FSIP1: variants seen among roughly 807,000 people sequenced by gnomAD.
The protein encoded by FSIP1 is fibrous sheath-interacting protein 1.
In FSIP1, 65 loss-of-function variants were observed where a neutral mutation model predicts 60.9. The observed-to-expected ratio is 1.07, with a 90% CI of 0.87 to 1.31. FSIP1 has a LOEUF of 1.31. Among genes scored for constraint, FSIP1 ranks in the 40% most tolerant of loss-of-function variants. FSIP1 has a pLI of 0.00. For missense variants in FSIP1, 675 were observed against 665.5 expected, an observed-to-expected ratio of 1.01 and a Z score of -0.16; for synonymous variants, 209 against 221.2, an observed-to-expected ratio of 0.94 and a Z score of 0.49.
chr15:39,665,940 T>A (rs1893478533), intron 10 of FSIP1, among the ~76,000 whole-genome samples: 1 of 152,178 alleles, frequency 6.6e-6, no homozygotes, highest in South Asian at 2.1e-4. Flanking sequence ...TTTTCTTGGA[T>A]TCTTATATTT....
intron 5 of FSIP1, among the ~76,000 whole-genome samples, chr15:39,759,612 C>T (rs545786013): frequency 6.6e-6 from 1 of 152,232 alleles, no homozygotes; most frequent in South Asian, 2.1e-4. Context: ...CAAATTACCA[C>T]AAACTTGGTG....
intron 11 of FSIP1, chr15:39,602,356 G>C (rs1244477507): frequency 6.6e-6 from 3 of 456,306 alleles, no homozygotes; most frequent in South Asian, 4.6e-5. Flanking sequence ...AGGGCCTCCA[G>C]GTGGCGTGTG....
At chr15:39,607,068 C>G (rs1035445638) in intron 11 of FSIP1, among the ~76,000 whole-genome samples, 4 of 152,226 alleles carry the variant, frequency 2.6e-5, no homozygotes, top group African/African-American at 9.6e-5. Flanking sequence ...GTGGAAGCAT[C>G]CTGGCCTCAC....
At chr15:39,755,825 G>A (rs1049473823) in intron 5 of FSIP1, among the ~76,000 whole-genome samples, 1 of 152,140 alleles carries the variant, frequency 6.6e-6, no homozygotes, top group Non-Finnish European at 1.5e-5. Context: ...AGAGAGAAAC[G>A]TGACAAAGAC....
intron 5 of FSIP1, among the ~76,000 whole-genome samples, chr15:39,759,529 T>C (rs1389806985): frequency 6.6e-6 from 1 of 152,190 alleles, no homozygotes; most frequent in Non-Finnish European, 1.5e-5. Context: ...CTTGTGAAAG[T>C]CCAACCCTGG....
Position 39,609,852 on chromosome 15 carries a change from C to T in FSIP1, c.1699+7883G>A, listed in dbSNP as rs186072320. Among the ~76,000 whole-genome samples the T allele has an allele frequency of 9.3e-4, 141 of 152,346 alleles. 1 individual carries two copies. The highest frequency in any genetic ancestry group is 3.2e-3 in the African/African-American group (133 of 41,594). On this transcript the variant is annotated intron_variant, in intron 11 of 11. Transcript: ENST00000350221. ...GTCTCATCAGACCACAGAGCACAGC[C>T]AGAAGTTCCACTTGACCTCAAAGAA...
chr15:39,698,636 TG>T (rs1214069236), intron 10 of FSIP1, among the ~76,000 whole-genome samples: 1 of 152,228 alleles, frequency 6.6e-6, no homozygotes, highest in East Asian at 1.9e-4. Context: ...TCTGCCCCTT[TG>T]TGCCACATAC....
intron 6 of FSIP1, among the ~76,000 whole-genome samples, chr15:39,740,768 T>A (rs1896776373): frequency 1.3e-5 from 2 of 152,238 alleles, no homozygotes; most frequent in African/African-American, 4.8e-5. Context: ...CCATTTAAAA[T>A]TTTTTTGATG....
chr15:39,628,641 T>G (rs763920844), intron 10 of FSIP1, among the ~76,000 whole-genome samples: 36 of 152,206 alleles, frequency 2.4e-4, no homozygotes, highest in Non-Finnish European at 4.9e-4. Context: ...TAAGTGTTCC[T>G]TCAGCTTGCA....
chr15:39,620,356 C>G lies in FSIP1; in HGVS notation c.1189-2111G>C, dbSNP rs184790165. Among the ~76,000 whole-genome samples the G allele has an allele frequency of 2.8e-3, 419 of 152,020 alleles. 1 individual carries two copies. The highest frequency in any genetic ancestry group is 3.5e-3 in the Non-Finnish European group (235 of 67,992). On this transcript the variant is annotated intron_variant, in intron 10 of 11. Transcript: ENST00000350221. ...AAATTATTGCCTACCATTACAGCAA[C>G]CCAATATATAATGTCTAAAACTAAT...
chr15:39,770,468 T>C lies in FSIP1; in HGVS notation c.269A>G (p.Asp90Gly). ...TATCTGATGTTGAACCAAATCCAGA[T>C]CTTCATCTGATCCCTCTTCAGCCAA... ...IKLAEEGSDE[D>G]LDLVQHQIIS... The change falls in exon 3 of 12, where the codon GAT (aspartate) becomes GGT (glycine). Residue 90 changes from aspartate to glycine, a missense_variant. Asp to Gly is a moderately conservative substitution (Grantham distance 94). Coordinates refer to ENST00000350221, the MANE Select transcript of FSIP1 (RefSeq NM_152597.5). 1 of 1,609,580 alleles carries C rather than the reference T, an allele frequency of 6.2e-7. No individual in the cohort carries two copies. The highest frequency in any genetic ancestry group is 1.3e-5 in the African/African-American group (1 of 74,834).
intron 10 of FSIP1, among the ~76,000 whole-genome samples, chr15:39,669,774 TA>T: frequency 6.6e-6 from 1 of 152,364 alleles, no homozygotes; most frequent in Non-Finnish European, 1.5e-5. Flanking sequence ...GTCTAGTTTT[TA>T]ATGTGTTACA....
rs981241141 is a variant in FSIP1, at chr15:39,627,951, G to A, written c.1189-9706C>T. Reference sequence around the variant, plus strand: ...GGCAACTCGAACCAAACCAAACAGCGTGGGCCTGGAAGCACAGGGTTAGCA... The same window carrying A: ...GGCAACTCGAACCAAACCAAACAGCATGGGCCTGGAAGCACAGGGTTAGCA... On this transcript the variant is annotated intron_variant, in intron 10 of 11. Coordinates refer to ENST00000350221, the MANE Select transcript of FSIP1 (RefSeq NM_152597.5). 5.9e-5 allele frequency among the ~76,000 whole-genome samples: 9 copies of A among 152,208 alleles called. No homozygotes were observed. The East Asian group carries it at 7.7e-4, about 13-fold the overall frequency.
chr15:39,704,053 T>C (rs1358731527), intron 10 of FSIP1, among the ~76,000 whole-genome samples: 2 of 152,230 alleles, frequency 1.3e-5, no homozygotes, highest in Non-Finnish European at 2.9e-5. Flanking sequence ...AAAATGGGCC[T>C]GTGATTAAGA....
intron 6 of FSIP1, 36 bp downstream of exon 6, chr15:39,741,769 G>T: frequency 9.7e-7 from 1 of 1,035,158 alleles, no homozygotes; most frequent in Non-Finnish European, 1.5e-6. Flanking sequence ...GTATTCCCTT[G>T]TGAAAATGTG....
At chr15:39,615,473 G>T (rs1891191536) in intron 11 of FSIP1, among the ~76,000 whole-genome samples, 1 of 143,738 alleles carries the variant, frequency 7.0e-6, no homozygotes, top group African/African-American at 2.6e-5. Flanking sequence ...TTTCCCAAAA[G>T]AAGACATAAA....
chr15:39,657,752 C>T (rs1036345796), intron 10 of FSIP1, among the ~76,000 whole-genome samples: 10 of 152,052 alleles, frequency 6.6e-5, no homozygotes, highest in Admixed American at 6.5e-4. Context: ...ATGAAAACAA[C>T]CAAAGTCTCT....
intron 10 of FSIP1, among the ~76,000 whole-genome samples, chr15:39,646,462 T>C (rs1892611065): frequency 7.1e-6 from 1 of 141,340 alleles, no homozygotes; most frequent in Admixed American, 7.5e-5. Flanking sequence ...GGCAGGAGGA[T>C]TGCTTGAGGC....
At chr15:39,653,089 T>C (rs569298549) in intron 10 of FSIP1, among the ~76,000 whole-genome samples, 133 of 151,310 alleles carry the variant, frequency 8.8e-4, no homozygotes, top group African/African-American at 3.1e-3. Context: ...GGTGGAAGGA[T>C]GTCTTGAGCC....
Sources: gnomAD v4.1 joint callset for allele counts (sites outside exome capture counted in the v4.1 genomes callset) on GRCh38, gnomAD v4.1.1 for gene constraint, MANE v1.5 for transcripts, NCBI Gene and HGNC (gene_info 2026-07-23, HGNC 2026-07-21) for gene names.